Variants in SPOCK3 observed in about 807,000 individuals in gnomAD.
The protein encoded by SPOCK3 is testican-3.
A neutral mutation model predicts 56.6 loss-of-function variants in SPOCK3; 30 were observed. The observed-to-expected ratio is 0.53, with a 90% CI of 0.40 to 0.72. The LOEUF is 0.72. Ranked by LOEUF, SPOCK3 falls within the 30% of genes least tolerant of loss-of-function variation. The pLI is 0.00. For missense variants in SPOCK3, 527 were observed against 530.0 expected, an observed-to-expected ratio of 0.99 and a Z score of 0.06; for synonymous variants, 196 against 183.3, an observed-to-expected ratio of 1.07 and a Z score of -0.56.
chr4:167,125,339 G>C (rs1469567020), intron 2 of SPOCK3, among the ~76,000 whole-genome samples: 4 of 149,956 alleles, frequency 2.7e-5, no homozygotes, highest in African/African-American at 9.8e-5. Context: ...TGAATACCTT[G>C]ATTAGAGATC....
At chr4:167,167,588 A>T (rs1730091946) in intron 2 of SPOCK3, among the ~76,000 whole-genome samples, 1 of 152,190 alleles carries the variant, frequency 6.6e-6, no homozygotes, top group South Asian at 2.1e-4. Flanking sequence ...TTGTGAAACA[A>T]TTCATCCTAA....
At chr4:167,100,101 G>C (rs1484249160) in intron 2 of SPOCK3, among the ~76,000 whole-genome samples, 1 of 152,002 alleles carries the variant, frequency 6.6e-6, no homozygotes, top group Non-Finnish European at 1.5e-5. Context: ...TAAAAGTAAT[G>C]AATACCAAAC....
intron 6 of SPOCK3, among the ~76,000 whole-genome samples, chr4:166,804,209 G>A (rs774588917): frequency 2.6e-5 from 4 of 152,116 alleles, no homozygotes; most frequent in Non-Finnish European, 4.4e-5. Flanking sequence ...CACAGGCTGG[G>A]TGAAAGATAA....
At chr4:167,150,600 T>C (rs1764331003) in intron 2 of SPOCK3, among the ~76,000 whole-genome samples, 1 of 152,032 alleles carries the variant, frequency 6.6e-6, no homozygotes, top group South Asian at 2.1e-4. Flanking sequence ...AGTAGGAAAA[T>C]AGAAAACCCG....
intron 4 of SPOCK3, among the ~76,000 whole-genome samples, chr4:166,987,664 A>C (rs1747316899): frequency 6.6e-6 from 1 of 152,220 alleles, no homozygotes; most frequent in Admixed American, 6.5e-5. Flanking sequence ...TAAATTTGGC[A>C]ACATAGAAGT....
intron 2 of SPOCK3, among the ~76,000 whole-genome samples, chr4:167,109,452 A>C (rs1466989427): frequency 4.7e-5 from 5 of 106,142 alleles, no homozygotes; most frequent in African/African-American, 1.8e-4. Context: ...ATTTATATTT[A>C]TATACATATA....
intron 3 of SPOCK3, among the ~76,000 whole-genome samples, chr4:167,039,677 A>C (rs200026731): frequency 0.12 from 1 of 8 alleles, no homozygotes; most frequent in Non-Finnish European, 0.17. Flanking sequence ...TTTACTAAAT[A>C]AAAAAAAAAA....
chr4:167,111,920 G>A (rs1760935866), intron 2 of SPOCK3, among the ~76,000 whole-genome samples: 1 of 151,990 alleles, frequency 6.6e-6, no homozygotes, highest in South Asian at 2.1e-4. Context: ...ACCATGCCTG[G>A]CTGATTTTTT....
intron 4 of SPOCK3, among the ~76,000 whole-genome samples, chr4:166,979,546 C>CTCT (rs1250510276): frequency 6.6e-6 from 1 of 152,046 alleles, no homozygotes; most frequent in East Asian, 1.9e-4. Context: ...CTGTAATTAT[C>CTCT]TCTTTTTACT....
At position 167,175,107 on chromosome 4, in the gene SPOCK3, G is replaced by A. The variant is rs1174985283; in HGVS notation, c.189+58878C>T. Among the ~76,000 whole-genome samples the A allele has an allele frequency of 2.6e-5, 4 of 152,056 alleles. No homozygotes were observed. The East Asian group carries it at 7.8e-4, about 30-fold the overall frequency. On this transcript the variant is annotated intron_variant, in intron 2 of 10. Coordinates refer to ENST00000357545, the MANE Select transcript of SPOCK3 (RefSeq NM_001040159.2). ...GATGTAGTAACCGCATACTTATGGGGACCTCATGGGAAAACATGAGTGACT... is the reference window on the plus strand; with the variant it reads ...GATGTAGTAACCGCATACTTATGGGAACCTCATGGGAAAACATGAGTGACT...
intron 4 of SPOCK3, among the ~76,000 whole-genome samples, chr4:166,965,929 C>T (rs1744688147): frequency 1.3e-5 from 2 of 152,076 alleles, no homozygotes; most frequent in Non-Finnish European, 2.9e-5. Context: ...TGTATAATGA[C>T]ATGTCTTCAC....
chr4:167,081,698 T>A (rs1400461236), intron 2 of SPOCK3, among the ~76,000 whole-genome samples: 1 of 151,916 alleles, frequency 6.6e-6, no homozygotes, highest in African/African-American at 2.4e-5. Context: ...GGAAATACCT[T>A]GGGAAAGAGA....
intron 6 of SPOCK3, among the ~76,000 whole-genome samples, chr4:166,809,291 T>C (rs6844043): frequency 0.27 from 41,426 of 151,620 alleles, 6,391 homozygotes; most frequent in East Asian, 0.73. Flanking sequence ...GTGTGGACAG[T>C]TGGTCAGGAA....
chr4:167,144,173 G>C lies in SPOCK3; in HGVS notation c.190-81636C>G, dbSNP rs559922849. On this transcript the variant is annotated intron_variant, in intron 2 of 10. Transcript: ENST00000357545. ...CCTCTTCTCTTGGTGATATCTATAA[G>C]CTCAACTTAAAAGTCTATGGAACTA... 4.0e-5 allele frequency among the ~76,000 whole-genome samples: 6 copies of C among 151,608 alleles called. No individual in the cohort carries two copies. In the East Asian group the frequency reaches 1.2e-3, roughly 29 times the overall value.
chr4:167,049,143 C>T (rs1329350678), intron 3 of SPOCK3, among the ~76,000 whole-genome samples: 1 of 147,840 alleles, frequency 6.8e-6, no homozygotes, highest in Admixed American at 6.8e-5. Flanking sequence ...TTGCTCTTGT[C>T]ACCCAGGCTG....
chr4:166,737,595 A>C lies in SPOCK3; in HGVS notation c.1004T>G (p.Ile335Ser). Reference protein sequence around the residue: ...QGVKKLLGQYIPLCDEDGYYK... With the variant: ...QGVKKLLGQYSPLCDEDGYYK... ...GTAACCATCTTCATCACACAGGGGG[A>C]TATACTGTCCTGTTGAAACAACACA... The change falls in exon 10 of 11, where the codon ATC (isoleucine) becomes AGC (serine). Residue 335 changes from isoleucine (I) to serine (S), a missense_variant. Ile to Ser is a moderately radical substitution (Grantham distance 142, BLOSUM62 -2). Transcript: ENST00000357545. 1.2e-6 allele frequency: 2 copies of C among 1,611,162 alleles called. No homozygotes were observed. The highest frequency in any genetic ancestry group is 1.7e-6 in the Non-Finnish European group (2 of 1,178,760).
chr4:166,792,035 G>GTAT, intron 7 of SPOCK3, 135 bp downstream of exon 7: 1 of 984,668 alleles, frequency 1.0e-6, no homozygotes. Context: ...GTGCTTGGAA[G>GTAT]TAATAACGTT....
chr4:167,085,226 G>A (rs930960523), intron 2 of SPOCK3, among the ~76,000 whole-genome samples: 1 of 149,798 alleles, frequency 6.7e-6, no homozygotes, highest in African/African-American at 2.4e-5. Flanking sequence ...AGGAATTTGA[G>A]ATGCTTATCT....
At chr4:166,850,134 T>C (rs1408379764) in intron 6 of SPOCK3, among the ~76,000 whole-genome samples, 1 of 152,190 alleles carries the variant, frequency 6.6e-6, no homozygotes, top group Non-Finnish European at 1.5e-5. Flanking sequence ...GGTAATTCTA[T>C]TGTTAATTAT....
Sources: allele counts gnomAD v4.1 joint callset (sites outside exome capture counted in the v4.1 genomes callset), GRCh38; gene constraint gnomAD v4.1.1; transcripts MANE v1.5; gene names NCBI Gene and HGNC (gene_info 2026-07-23, HGNC 2026-07-21).